The following PDE9A variants were observed in gnomAD, a reference collection of about 807,000 sequenced individuals.
PDE9A encodes high affinity cGMP-specific 3',5'-cyclic phosphodiesterase 9A.
In PDE9A, 60 loss-of-function variants were observed where a neutral mutation model predicts 87.4. That is an observed-to-expected ratio of 0.69 (90% CI 0.56 to 0.85). PDE9A has a LOEUF of 0.85. Among genes scored for constraint, PDE9A ranks in the 40% least tolerant of loss-of-function variants. The pLI is 0.00. For synonymous variants in PDE9A, 272 were observed against 279.4 expected (o/e 0.97, Z 0.27); for missense variants, 665 against 779.0 (o/e 0.85, Z 1.74).
At chr21:42,661,995 G>T (rs1481080156) in intron 1 of PDE9A, among the ~76,000 whole-genome samples, 2 of 152,210 alleles carry the variant, frequency 1.3e-5, no homozygotes, top group Admixed American at 1.3e-4. Flanking sequence ...CCCAGCAGCT[G>T]TGTGGCCTCC....
rs1362542398 is a variant in PDE9A at position 42,723,468 on chromosome 21, C to T, written c.263-8302C>T. Among the ~76,000 whole-genome samples, 2 of 152,210 alleles carry T rather than the reference C, an allele frequency of 1.3e-5. No individual in the cohort carries two copies. Among genetic ancestry groups the T allele is most frequent in the Non-Finnish European group, 2.9e-5 (2 of 68,042 alleles). On this transcript the variant is annotated intron_variant, in intron 4 of 19. Transcript: ENST00000291539. This position sits in a 1 kb window ranked among gnomAD's most constrained non-coding sequence, Gnocchi z 4.3. Reference sequence around the variant, plus strand: ...GCCAGGAGTTGAGGCTGAAGAGGAGCCTACCTAAACCTGTCATTACAACTG... The same window carrying T: ...GCCAGGAGTTGAGGCTGAAGAGGAGTCTACCTAAACCTGTCATTACAACTG...
At chr21:42,731,284 A>G (rs565550372) in intron 4 of PDE9A, among the ~76,000 whole-genome samples, 1 of 152,176 alleles carries the variant, frequency 6.6e-6, no homozygotes, top group Non-Finnish European at 1.5e-5. Context: ...TGTTTTGTTT[A>G]TAGTGGAGGG....
At chr21:42,678,653 T>C (rs1395339286) in intron 1 of PDE9A, among the ~76,000 whole-genome samples, 1 of 152,238 alleles carries the variant, frequency 6.6e-6, no homozygotes, top group Non-Finnish European at 1.5e-5. Flanking sequence ...GTGTGTGAAT[T>C]TGAAGTCGTA....
chr21:42,747,277 TC>T (rs991840736), intron 8 of PDE9A, among the ~76,000 whole-genome samples: 2 of 122,842 alleles, frequency 1.6e-5, no homozygotes, highest in African/African-American at 6.5e-5. Context: ...AGCTGGAACT[TC>T]CCCGGATGAC....
chr21:42,668,568 T>G (rs2058167777), intron 1 of PDE9A, among the ~76,000 whole-genome samples: 1 of 152,168 alleles, frequency 6.6e-6, no homozygotes, highest in Non-Finnish European at 1.5e-5. Flanking sequence ...GTTCGTCGAT[T>G]TTTGCATTTT....
intron 6 of PDE9A, among the ~76,000 whole-genome samples, chr21:42,732,845 T>C (rs1602333688): frequency 6.6e-6 from 1 of 151,750 alleles, no homozygotes; most frequent in Non-Finnish European, 1.5e-5. Context: ...ACCCGGGAGG[T>C]GGAGGTTGCC....
At chr21:42,670,918 T>G (rs530267078) in intron 1 of PDE9A, among the ~76,000 whole-genome samples, 29 of 152,268 alleles carry the variant, frequency 1.9e-4, no homozygotes, top group Admixed American at 9.8e-4. Flanking sequence ...TTCCCATCCC[T>G]TTTCTTGCCA....
chr21:42,762,179 C>G lies in PDE9A; in HGVS notation c.1182C>G (p.Ala394=). 6.2e-7 allele frequency: 1 copy of G among 1,614,198 alleles called. No individual in the cohort carries two copies. The highest frequency in any genetic ancestry group is 8.5e-7 in the Non-Finnish European group (1 of 1,180,030). The change falls in exon 14 of 20, where the codon GCC becomes GCG. Residue 394 remains alanine (A), a synonymous_variant. Transcript: ENST00000291539. ...GCGCCGTGGCCTTCCAGATCCTCGC[C>G]GAGCCTGAGTGCAACATCTTCTCCA... ...HHCAVAFQIL[A]EPECNIFSNI... is the part of the protein sequence containing the mutation.
In PDE9A at chr21:42,743,747, C is replaced by A. The variant is rs769935792; in HGVS notation, c.569-29C>A. The A allele has an allele frequency of 4.2e-6, 6 of 1,421,782 alleles. No individual in the cohort carries two copies. The African/African-American group carries it at 4.2e-5, about 10-fold the overall frequency. The allele number at this position is 1,421,782 out of a possible 1,614,324, so 88.1% of individuals were successfully genotyped here. A position where few individuals can be genotyped will look rare whatever the true frequency, so the allele number is the denominator to read the frequency against. On this transcript the variant is annotated intron_variant, in intron 7 of 19. Transcript: ENST00000291539. ...ATCCTCCACATTCGTCCGTGGTAAC[C>A]CCCTTGCTGTCTCTCTCTCTGTCAC...
rs1167541263 is a variant in PDE9A at position 42,695,594 on chromosome 21, T to A, written c.219-3374T>A. Among the ~76,000 whole-genome samples the A allele has an allele frequency of 6.6e-6, 1 of 152,242 alleles. No individual in the cohort carries two copies. The highest frequency in any genetic ancestry group is 1.5e-5 in the Non-Finnish European group (1 of 68,042). On this transcript the variant is annotated intron_variant, in intron 3 of 19. Transcript: ENST00000291539. The surrounding 1 kb of genome is among the most constrained non-coding windows in gnomAD (Gnocchi z 4.3). ...GTGACTCTCCACCGGCTGAGCTCTGTGCATGCAGGGCCAGTATTCTCGGCC... is the reference window on the plus strand; with the variant it reads ...GTGACTCTCCACCGGCTGAGCTCTGAGCATGCAGGGCCAGTATTCTCGGCC...
intron 17 of PDE9A, among the ~76,000 whole-genome samples, chr21:42,769,645 GACACACAGGC>G (rs1212182896): frequency 1.6e-4 from 6 of 37,006 alleles, no homozygotes; most frequent in African/African-American, 1.1e-3. Context: ...CACACACAGG[GACACACAGGC>G]ACACATAGGC....
At chr21:42,740,751 A>ATAG (rs1569229138) in intron 7 of PDE9A, among the ~76,000 whole-genome samples, 8 of 94,976 alleles carry the variant, frequency 8.4e-5, no homozygotes, top group African/African-American at 2.8e-4. Flanking sequence ...TAGATAGATA[A>ATAG]ACAGGATAGA....
chr21:42,683,556 CG>C (rs1402866111), intron 1 of PDE9A, among the ~76,000 whole-genome samples: 1 of 152,098 alleles, frequency 6.6e-6, no homozygotes, highest in African/African-American at 2.4e-5. Flanking sequence ...CCCAGGCCTC[CG>C]GGGCCGCCTG....
chr21:42,732,370 C>G (rs1045200788), intron 6 of PDE9A, among the ~76,000 whole-genome samples: 2 of 152,156 alleles, frequency 1.3e-5, no homozygotes, highest in Non-Finnish European at 2.9e-5. Context: ...AATGTGAGCT[C>G]GTGAGGTCGA....
intron 19 of PDE9A, among the ~76,000 whole-genome samples, chr21:42,773,762 C>T (rs938854397): frequency 2.1e-5 from 3 of 141,092 alleles, no homozygotes; most frequent in African/African-American, 7.4e-5. Context: ...GATCGCGCCA[C>T]TGCACTCCAG....
chr21:42,753,084 G>A lies in PDE9A; in HGVS notation c.736-906G>A, dbSNP rs573506337. The stretch of plus-strand genomic sequence containing the variant: ...TGCAGTGGCACGATCTTGGCTCACT[G>A]CAACCTCCCCCTCCTGGGTTCAAGC... On this transcript the variant is annotated intron_variant, in intron 9 of 19. Coordinates refer to ENST00000291539, the MANE Select transcript of PDE9A (RefSeq NM_002606.3). Among the ~76,000 whole-genome samples the A allele has an allele frequency of 7.8e-4, 119 of 152,228 alleles. No individual in the cohort carries two copies. The Middle Eastern group carries it at 0.014, about 17-fold the overall frequency.
At chr21:42,706,131 C>G (rs1181947630) in intron 4 of PDE9A, among the ~76,000 whole-genome samples, 1 of 152,184 alleles carries the variant, frequency 6.6e-6, no homozygotes, top group African/African-American at 2.4e-5. Flanking sequence ...AGCCATGGAA[C>G]CCCGGAGCTG....
chr21:42,696,467 G>A lies in PDE9A; in HGVS notation c.219-2501G>A, dbSNP rs1326740651. 3.9e-5 allele frequency among the ~76,000 whole-genome samples: 6 copies of A among 152,216 alleles called. No individual in the cohort carries two copies. Among genetic ancestry groups the A allele is most frequent in the East Asian group, 1.9e-4 (1 of 5,194 alleles). On this transcript the variant is annotated intron_variant, in intron 3 of 19. Transcript: ENST00000291539. The surrounding 1 kb of genome is among the most constrained non-coding windows in gnomAD (Gnocchi z 5.1). The stretch of plus-strand genomic sequence containing the variant: ...AGAGAAGACACAGGAGAAGAAAGTC[G>A]GAGAGGAGTGGGGAGCCAGGGTGGC...
intron 2 of PDE9A, among the ~76,000 whole-genome samples, chr21:42,687,114 A>G (rs1356329805): frequency 6.6e-6 from 1 of 152,214 alleles, no homozygotes; most frequent in Non-Finnish European, 1.5e-5. Context: ...AACTTTCCAA[A>G]TGTAAAGGGT....
Sources: allele counts gnomAD v4.1 joint callset (sites outside exome capture counted in the v4.1 genomes callset), GRCh38; gene constraint gnomAD v4.1.1; non-coding constraint Gnocchi (gnomAD v3.1); transcripts MANE v1.5; gene names NCBI Gene and HGNC (gene_info 2026-07-23, HGNC 2026-07-21).